The following CHRM5 variants were observed in gnomAD, a reference collection of about 807,000 sequenced individuals.
CHRM5 encodes the protein muscarinic acetylcholine receptor M5.
A neutral mutation model predicts 39.0 loss-of-function variants in CHRM5; 18 were observed. That is an observed-to-expected ratio of 0.46 (90% CI 0.32 to 0.68). CHRM5 has a LOEUF of 0.68. Ranked by LOEUF, CHRM5 falls within the 30% of genes least tolerant of loss-of-function variation. The pLI, the probability that CHRM5 is intolerant of heterozygous loss-of-function variation, is 0.04. For synonymous variants in CHRM5, 241 were observed against 246.3 expected (o/e 0.98, Z 0.20); for missense variants, 515 against 651.1 (o/e 0.79, Z 2.28).
intron 1 of CHRM5, among the ~76,000 whole-genome samples, chr15:34,024,845 AG>A (rs1289307864): frequency 6.8e-6 from 1 of 147,622 alleles, no homozygotes; most frequent in Non-Finnish European, 1.5e-5. Context: ...TGGGCGACAA[AG>A]CAAGACTCCT....
In CHRM5 at chr15:33,975,781, T is replaced by C. The variant is rs184802602; in HGVS notation, c.-408+6631T>C. On this transcript the variant is annotated intron_variant, in intron 1 of 2. Coordinates refer to ENST00000383263, the MANE Select transcript of CHRM5 (RefSeq NM_012125.4). The stretch of plus-strand genomic sequence containing the variant: ...CCCATCTCTACTGAGAATACAAAAA[T>C]TAGCCGGGCGTGGTGGCACATGCCT... 3.8e-3 allele frequency among the ~76,000 whole-genome samples: 576 copies of C among 152,148 alleles called. 15 individuals carry two copies. The highest frequency in any genetic ancestry group is 0.036 in the Admixed American group (543 of 15,268).
At chr15:34,035,476 G>A (rs11857881) in intron 1 of CHRM5, among the ~76,000 whole-genome samples, 22,401 of 152,086 alleles carry the variant, frequency 0.15, 2,352 homozygotes, top group African/African-American at 0.29. Flanking sequence ...GTTTAGAGCA[G>A]CAGTCGAAAG....
intron 2 of CHRM5, among the ~76,000 whole-genome samples, chr15:34,056,124 C>A (rs181895428): frequency 6.6e-6 from 1 of 152,120 alleles, no homozygotes; most frequent in African/African-American, 2.4e-5. Context: ...AAGTAACTGC[C>A]GTTTCCCTAG....
chr15:34,062,572 A>AAAAAAAC, intron 2 of CHRM5, 71 bp from the exon 3 acceptor site: 1 of 657,354 alleles, frequency 1.5e-6, no homozygotes, highest in Non-Finnish European at 2.4e-6. Flanking sequence ...AAAAAAAAAA[A>AAAAAAAC]AACTATAAAC....
At chr15:34,047,710 G>A (rs1899763068) in intron 2 of CHRM5, among the ~76,000 whole-genome samples, 1 of 152,182 alleles carries the variant, frequency 6.6e-6, no homozygotes, top group Admixed American at 6.5e-5. Flanking sequence ...CGCAAGCACA[G>A]CTGCTTTGTC....
chr15:33,982,489 T>C (rs1384190645), intron 1 of CHRM5, among the ~76,000 whole-genome samples: 1 of 152,206 alleles, frequency 6.6e-6, no homozygotes, highest in Non-Finnish European at 1.5e-5. Context: ...CAATAACATA[T>C]GGTTAAGAGG....
At chr15:34,051,637 A>G (rs1899928018) in intron 2 of CHRM5, among the ~76,000 whole-genome samples, 2 of 152,148 alleles carry the variant, frequency 1.3e-5, no homozygotes, top group African/African-American at 4.8e-5. Context: ...AATAAACACA[A>G]TCATAAATGA....
At chr15:34,014,367 T>TA (rs1171463772) in intron 1 of CHRM5, among the ~76,000 whole-genome samples, 3,156 of 13,434 alleles carry the variant, frequency 0.23, 305 homozygotes, top group East Asian at 0.44. Flanking sequence ...TCCATCTCAT[T>TA]AAAAAAAAAA....
chr15:33,976,023 C>G (rs542748238), intron 1 of CHRM5, among the ~76,000 whole-genome samples: 1 of 152,272 alleles, frequency 6.6e-6, no homozygotes, highest in East Asian at 1.9e-4. Context: ...TGGAGTTGTC[C>G]TGAGTTGTTT....
At chr15:34,035,792 TAGTTAGTA>T (rs35902104) in intron 1 of CHRM5, among the ~76,000 whole-genome samples, 72,064 of 151,456 alleles carry the variant, frequency 0.48, 20,544 homozygotes, top group Non-Finnish European at 0.64. Flanking sequence ...TTTATTCATT[TAGTTAGTA>T]AGTTAGTTAT....
chr15:34,004,940 C>T (rs1406877062), intron 1 of CHRM5, among the ~76,000 whole-genome samples: 1 of 151,772 alleles, frequency 6.6e-6, no homozygotes, highest in Non-Finnish European at 1.5e-5. Flanking sequence ...ATTAAAACAA[C>T]TCATCTGTAT....
Position 34,066,848 on chromosome 15 carries a change from T to G in CHRM5, c.*2532T>G, listed in dbSNP as rs1248716137. On this transcript the variant is annotated 3_prime_UTR_variant, in exon 3 of 3. Transcript: ENST00000383263. Reference sequence around the variant, plus strand: ...AAAGAGAGAGAGAGAGGTCAATGCTTCTTTTTTTATCATTGGTTTTGGAAA... The same window carrying G: ...AAAGAGAGAGAGAGAGGTCAATGCTGCTTTTTTTATCATTGGTTTTGGAAA... The G allele has an allele frequency of 6.6e-6, 1 of 151,780 alleles. No individual in the cohort carries two copies. Among genetic ancestry groups the G allele is most frequent in the Non-Finnish European group, 1.5e-5 (1 of 68,058 alleles). 9.4% of individuals were successfully genotyped at this position (151,780 alleles called of 1,614,324 possible).
chr15:34,028,527 G>T lies in CHRM5; in HGVS notation c.-407-18013G>T, dbSNP rs182445508. ...CTTTGGTGAGCTATCATCATGCCAT[G>T]GGCACTCCAGCATGGGTAACAAAGT... On this transcript the variant is annotated intron_variant, in intron 1 of 2. Transcript: ENST00000383263. Among the ~76,000 whole-genome samples, 53 of 152,262 alleles carry T rather than the reference G, an allele frequency of 3.5e-4. No homozygotes were observed. The East Asian group carries it at 9.7e-3, about 28-fold the overall frequency.
At chr15:34,022,972 G>C (rs1303575655) in intron 1 of CHRM5, among the ~76,000 whole-genome samples, 1 of 152,194 alleles carries the variant, frequency 6.6e-6, no homozygotes, top group Non-Finnish European at 1.5e-5. Context: ...CGGATCACAA[G>C]GTCAGGAGTT....
chr15:34,005,035 G>A (rs1897285342), intron 1 of CHRM5, among the ~76,000 whole-genome samples: 1 of 151,906 alleles, frequency 6.6e-6, no homozygotes, highest in South Asian at 2.1e-4. Context: ...AAATTAGGAG[G>A]AAAAGACAAG....
intron 1 of CHRM5, among the ~76,000 whole-genome samples, chr15:34,002,436 T>G (rs603152): frequency 0.51 from 76,598 of 151,548 alleles, 21,743 homozygotes; most frequent in Non-Finnish European, 0.63. Context: ...CCAGCACTCC[T>G]CCATTCTTCC....
chr15:33,977,435 C>A (rs1181225803), intron 1 of CHRM5, among the ~76,000 whole-genome samples: 1 of 152,174 alleles, frequency 6.6e-6, no homozygotes, highest in Non-Finnish European at 1.5e-5. Flanking sequence ...TAAAATACTG[C>A]ATATTATAAT....
intron 1 of CHRM5, among the ~76,000 whole-genome samples, chr15:33,994,778 C>T (rs1896865961): frequency 6.6e-6 from 1 of 152,156 alleles, no homozygotes; most frequent in Non-Finnish European, 1.5e-5. Flanking sequence ...ATATTCTCTA[C>T]TCTTGAAGTT....
At chr15:33,974,396 T>G (rs546812785) in intron 1 of CHRM5, among the ~76,000 whole-genome samples, 19 of 152,302 alleles carry the variant, frequency 1.2e-4, no homozygotes, top group African/African-American at 4.3e-4. Context: ...ATGTTATATC[T>G]CCCCAAGTCA....
Sources: gnomAD v4.1 joint callset for allele counts (sites outside exome capture counted in the v4.1 genomes callset) on GRCh38, gnomAD v4.1.1 for gene constraint, MANE v1.5 for transcripts, NCBI Gene and HGNC (gene_info 2026-07-23, HGNC 2026-07-21) for gene names.